Variants in LCOR observed in about 807,000 individuals in gnomAD.
LCOR encodes the protein ligand-dependent corepressor.
In LCOR, 14 loss-of-function variants were observed where a neutral mutation model predicts 64.4. That is an observed-to-expected ratio of 0.22 (90% CI 0.14 to 0.34). The LOEUF is 0.34. Among genes scored for constraint, LCOR ranks in the 10% least tolerant of loss-of-function variants. The pLI is 1.00. For missense variants in LCOR, 1,686 were observed against 1,765.3 expected (o/e 0.96, Z 0.80); for synonymous variants, 643 against 642.5 (o/e 1.00, Z -0.01).
rs1848176014 is a variant in LCOR at position 96,989,352 on chromosome 10, T to G, written c.*4218T>G. ...TATTAAAGTAAGCCAAGATTTTGTTTCTGGTAAAATTAGTTGAGACTACTT... is the reference window on the plus strand; with the variant it reads ...TATTAAAGTAAGCCAAGATTTTGTTGCTGGTAAAATTAGTTGAGACTACTT... On this transcript the variant is annotated 3_prime_UTR_variant, in exon 8 of 8. Transcript: ENST00000421806. 1 of 147,392 alleles carries G rather than the reference T, an allele frequency of 6.8e-6. No individual in the cohort carries two copies. Among genetic ancestry groups the G allele is most frequent in the African/African-American group, 2.6e-5 (1 of 38,048 alleles). 9.1% of individuals were successfully genotyped at this position (147,392 alleles called of 1,614,324 possible).
In LCOR at chr10:96,982,610, C is replaced by G; in HGVS notation, c.2150C>G (p.Pro717Arg). Residue 717 changes from proline (P) to arginine (R), a missense_variant, in exon 8 of 8, where the codon CCC (proline) becomes CGC (arginine). Around this residue, in one of 3 missense-constraint regions of LCOR, gnomAD observed 1,293 missense variants for 1,410.4 expected, o/e 0.92. Coordinates refer to ENST00000421806, the MANE Select transcript of LCOR (RefSeq NM_001346516.2). ...NQSSPMGLEPPMSLGKAEDNQ... is the reference protein window; with the variant it reads ...NQSSPMGLEPRMSLGKAEDNQ... ...AGTTCCCCAATGGGCTTGGAGCCCC[C>G]CATGAGTCTGGGAAAGGCTGAGGAC... 1 of 1,614,136 alleles carries G rather than the reference C, an allele frequency of 6.2e-7. No individual in the cohort carries two copies. Among genetic ancestry groups the G allele is most frequent in the East Asian group, 2.2e-5 (1 of 44,892 alleles).
At chr10:96,859,386 A>G (rs552648256) in intron 2 of LCOR, among the ~76,000 whole-genome samples, 2 of 151,848 alleles carry the variant, frequency 1.3e-5, no homozygotes, top group African/African-American at 4.8e-5. Flanking sequence ...ATTTTTTTGT[A>G]TTTTTAGTAG....
At position 96,995,371 on chromosome 10, in the gene LCOR, A is replaced by G. The variant is rs1286077894; in HGVS notation, c.*10237A>G. The G allele has an allele frequency of 6.6e-6, 1 of 152,292 alleles. No individual in the cohort carries two copies. Among genetic ancestry groups the G allele is most frequent in the African/African-American group, 2.4e-5 (1 of 41,460 alleles). 9.4% of individuals were successfully genotyped at this position (152,292 alleles called of 1,614,324 possible). A position where few individuals can be genotyped will look rare whatever the true frequency, so the allele number is the denominator to read the frequency against. ...TGTGTGACAGTGTCTTTCCCGAAGC[A>G]GTGAAATGAGAAATTCTGCAAGTGG... On this transcript the variant is annotated 3_prime_UTR_variant, in exon 8 of 8. Coordinates refer to ENST00000421806, the MANE Select transcript of LCOR (RefSeq NM_001346516.2). This position sits in a 1 kb window ranked among gnomAD's most constrained non-coding sequence, Gnocchi z 4.2.
Position 96,983,148 on chromosome 10 carries a change from T to A in LCOR, c.2688T>A (p.Asp896Glu). ...TCAATGAACGCCCCTCTGAGAAAGA[T>A]GCTGAGCAGGAGGGCGAAGGCGGGG... ...PSVNERPSEK[D>E]AEQEGEGGGI... The change falls in exon 8 of 8, where the codon GAT (aspartate) becomes GAA (glutamate). Residue 896 changes from aspartate to glutamate, a missense_variant. Physicochemically the swap from Asp to Glu is conservative, Grantham distance 45. Around this residue, in one of 3 missense-constraint regions of LCOR, gnomAD observed 1,293 missense variants for 1,410.4 expected, o/e 0.92. Transcript: ENST00000421806. The surrounding 1 kb of genome is among the most constrained non-coding windows in gnomAD (Gnocchi z 4.5). 1 of 1,613,990 alleles carries A rather than the reference T, an allele frequency of 6.2e-7. No homozygotes were observed. Among genetic ancestry groups the A allele is most frequent in the Non-Finnish European group, 8.5e-7 (1 of 1,179,966 alleles).
chr10:96,840,154 G>A (rs576235188), intron 2 of LCOR, among the ~76,000 whole-genome samples: 3 of 152,184 alleles, frequency 2.0e-5, no homozygotes, highest in Non-Finnish European at 1.5e-5. Flanking sequence ...GTAGATGGCC[G>A]AATTTAAGAA....
chr10:96,974,107 AAAC>A (rs1480006141), intron 7 of LCOR, among the ~76,000 whole-genome samples: 11 of 152,344 alleles, frequency 7.2e-5, no homozygotes, highest in Non-Finnish European at 1.3e-4. Context: ...TGGGGTTATG[AAAC>A]AACAATCATT....
rs184036496 is a variant in LCOR at position 96,834,943 on chromosome 10, C to G, written c.-330+1464C>G. Among the ~76,000 whole-genome samples the G allele has an allele frequency of 2.8e-3, 428 of 152,250 alleles. 11 individuals carry two copies. Among genetic ancestry groups the G allele is most frequent in the Admixed American group, 0.024 (365 of 15,286 alleles). ...TGAGACGGAGTTTCACTCTTTTGCC[C>G]GGGCTGGAGTGCAGTGGCGCCATCT... is the stretch of plus-strand genomic sequence containing the variant. On this transcript the variant is annotated intron_variant, in intron 2 of 7. Coordinates refer to ENST00000421806, the MANE Select transcript of LCOR (RefSeq NM_001346516.2).
intron 2 of LCOR, among the ~76,000 whole-genome samples, chr10:96,883,254 G>C (rs1385380275): frequency 1.3e-5 from 2 of 152,096 alleles, no homozygotes; most frequent in Non-Finnish European, 2.9e-5. Flanking sequence ...CACTGGTCTT[G>C]AACTCCAACC....
chr10:96,969,928 C>T (rs1284604592), intron 7 of LCOR, among the ~76,000 whole-genome samples: 3 of 147,470 alleles, frequency 2.0e-5, no homozygotes, highest in Admixed American at 6.8e-5. Context: ...TACAGGCACC[C>T]GCCATCACAC....
At chr10:96,915,828 C>T in intron 4 of LCOR, 1 of 544,074 alleles carries the variant, frequency 1.8e-6, no homozygotes. Context: ...GACAACCTTG[C>T]AGATCTTCTC....
chr10:96,841,819 C>T (rs969638059), intron 2 of LCOR, among the ~76,000 whole-genome samples: 4 of 151,634 alleles, frequency 2.6e-5, no homozygotes, highest in African/African-American at 7.3e-5. Context: ...AGGCTGGTCT[C>T]GAGCTCCTGG....
intron 2 of LCOR, among the ~76,000 whole-genome samples, chr10:96,882,733 A>G (rs2134421435): frequency 6.6e-6 from 1 of 152,268 alleles, no homozygotes; most frequent in Non-Finnish European, 1.5e-5. Context: ...CTGCCTGTTT[A>G]TCCCTCCTCT....
chr10:96,957,429 GAATTT>G (rs1847802985), intron 7 of LCOR: 2 of 985,036 alleles, frequency 2.0e-6, no homozygotes, highest in African/African-American at 3.5e-5. Flanking sequence ...AAAGCCCATG[GAATTT>G]AATTTTTCAT....
intron 2 of LCOR, among the ~76,000 whole-genome samples, chr10:96,893,156 A>G (rs926624142): frequency 2.6e-5 from 4 of 152,202 alleles, no homozygotes; most frequent in Non-Finnish European, 4.4e-5. Flanking sequence ...TGAATTAATA[A>G]CAACTTGGTT....
chr10:96,982,216 A>C lies in LCOR; in HGVS notation c.1756A>C (p.Lys586Gln). The change falls in exon 8 of 8, where the codon AAA becomes CAA. Residue 586 changes from lysine (K) to glutamine (Q), a missense_variant. Around this residue, in one of 3 missense-constraint regions of LCOR, gnomAD observed 1,293 missense variants for 1,410.4 expected, o/e 0.92. Transcript: ENST00000421806. The stretch of plus-strand genomic sequence containing the variant: ...AGGAGGTGGAGACGTTTCACCTCGA[A>C]AAGAACCTCAAGAGCCTGAGGTTTG... ...EEGGGDVSPR[K>Q]EPQEPEVCPT... is the part of the protein sequence containing the mutation. The C allele has an allele frequency of 2.5e-6, 4 of 1,614,158 alleles. No individual in the cohort carries two copies. Among genetic ancestry groups the C allele is most frequent in the Non-Finnish European group, 3.4e-6 (4 of 1,180,018 alleles).
At chr10:96,871,716 A>G (rs1017630311) in intron 2 of LCOR, among the ~76,000 whole-genome samples, 1 of 152,018 alleles carries the variant, frequency 6.6e-6, no homozygotes, top group African/African-American at 2.4e-5. Context: ...TGTGAGCCAC[A>G]TGCCTGGCCT....
rs1439933317 is a variant in LCOR, at chr10:96,980,843, C to G, written c.383C>G (p.Ser128Cys). The change falls in exon 8 of 8, where the codon TCC (serine) becomes TGC (cysteine). Residue 128 changes from serine to cysteine, a missense_variant. By Grantham distance (112) the Ser-to-Cys change is moderately radical (BLOSUM62 -1). Coordinates refer to ENST00000421806, the MANE Select transcript of LCOR (RefSeq NM_001346516.2). ...GTAGATTCTAACAATCAGTCGAAGT[C>G]CCCACTGGAGAAATTTATGGTCAAA... ...KAVDSNNQSK[S>C]PLEKFMVKLC... 9 of 702,812 alleles carry G rather than the reference C, an allele frequency of 1.3e-5. No individual in the cohort carries two copies. Among genetic ancestry groups the G allele is most frequent in the Non-Finnish European group, 2.1e-5 (8 of 384,984 alleles). 43.5% of individuals were successfully genotyped at this position (702,812 alleles called of 1,614,324 possible).
rs761907103 is a variant in LCOR, at chr10:96,920,751, T to TATATGTATACACACACACACAC, written c.-184+13005_-184+13006insTATGTATACACACACACACACA. Among the ~76,000 whole-genome samples, 49 of 118,852 alleles carry TATATGTATACACACACACACAC rather than the reference T, an allele frequency of 4.1e-4. 2 individuals carry two copies. The highest frequency in any genetic ancestry group is 1.6e-3 in the African/African-American group (42 of 25,586). 78.0% of individuals were successfully genotyped at this position (118,852 alleles called of 152,430 possible). A position where few individuals can be genotyped will look rare whatever the true frequency, so the allele number is the denominator to read the frequency against. On this transcript the variant is annotated intron_variant, in intron 4 of 7. Transcript: ENST00000421806. ...GTTCATATATATGTGTATATATGTA[T>TATATGTATACACACACACACAC]ACACACACACACACACACACACACA...
intron 7 of LCOR, among the ~76,000 whole-genome samples, chr10:96,964,944 A>C (rs1486756626): frequency 1.3e-5 from 2 of 152,158 alleles, no homozygotes; most frequent in African/African-American, 4.8e-5. Context: ...CATTCTTGGC[A>C]GTTCGCTGAT....
Sources: allele counts gnomAD v4.1 joint callset (sites outside exome capture counted in the v4.1 genomes callset), GRCh38; gene constraint gnomAD v4.1.1; regional missense constraint gnomAD v4.1.1; non-coding constraint Gnocchi (gnomAD v3.1); transcripts MANE v1.5; gene names NCBI Gene and HGNC (gene_info 2026-07-23, HGNC 2026-07-21).